The following LRRC74B variants were observed in gnomAD, a reference collection of about 807,000 sequenced individuals.
The protein encoded by LRRC74B is leucine-rich repeat-containing protein 74B.
Under a neutral mutation model 16.6 loss-of-function variants are expected in LRRC74B, and 30 were observed. That is an observed-to-expected ratio of 1.80 (90% confidence interval 1.35 to 2.45). The LOEUF (loss-of-function observed/expected upper bound fraction) is 2.45, where lower values mean the gene tolerates loss of function less well. LRRC74B is among the 30% of genes most tolerant of loss of function. LRRC74B has a pLI of 0.00. For synonymous variants in LRRC74B, 134 were observed against 86.0 expected (o/e 1.56, Z -3.09); for missense variants, 326 against 202.4 (o/e 1.61, Z -3.71).
chr22:21,049,823 C>T (rs1406973556), intron 4 of LRRC74B, among the ~76,000 whole-genome samples: 4 of 152,058 alleles, frequency 2.6e-5, no homozygotes, highest in Non-Finnish European at 5.9e-5. Flanking sequence ...TCCTTGATCT[C>T]ATCACTGTCA....
intron 3 of LRRC74B, chr22:21,048,309 A>G (rs1929664775): frequency 2.5e-6 from 1 of 406,626 alleles, no homozygotes. Flanking sequence ...ACCTGAATGC[A>G]GGATGGGAGA....
intron 7 of LRRC74B, chr22:21,056,738 C>A (rs1278637965): frequency 2.8e-5 from 7 of 250,120 alleles, no homozygotes; most frequent in Non-Finnish European, 7.7e-6. Context: ...GAGCCCTGCC[C>A]AGATACACCT....
downstream of LRRC74B, chr22:21,062,837 G>C (rs56291858): frequency 0.13 from 19,223 of 151,962 alleles, 1,603 homozygotes; most frequent in East Asian, 0.28. Context: ...AGACCAGCCT[G>C]GGCAGCATCG....
At position 21,047,362 on chromosome 22, in the gene LRRC74B, A is replaced by G. The variant is rs543783890; in HGVS notation, c.146A>G (p.Asp49Gly). 1.5e-5 allele frequency: 11 copies of G among 717,254 alleles called. No individual in the cohort carries two copies. In the African/African-American group the frequency reaches 1.9e-4, roughly 13 times the overall value. The allele number at this position is 717,254 out of a possible 1,614,324, so 44.4% of individuals were successfully genotyped here. The change falls in exon 2 of 9, where the codon GAT becomes GGT. Residue 49 changes from aspartate to glycine, a missense_variant. Coordinates refer to ENST00000442047, the Ensembl canonical transcript of LRRC74B. Reference sequence around the variant, plus strand: ...TCCCCCTGTCTCCTGCCAGGCACCGATGGGCTTGGAGAACTGGTCAGGGAC... The same window carrying G: ...TCCCCCTGTCTCCTGCCAGGCACCGGTGGGCTTGGAGAACTGGTCAGGGAC...
exon 2 of LRRC74B, chr22:21,047,391 C>T (rs1569193302): frequency 2.8e-6 from 2 of 717,480 alleles, no homozygotes; most frequent in African/African-American, 1.7e-5. Context: ...CAGGGACACA[C>T]TGTACCTGAG....
chr22:21,056,365 G>A (rs1930516818), intron 7 of LRRC74B, among the ~76,000 whole-genome samples: 3 of 151,988 alleles, frequency 2.0e-5, no homozygotes, highest in South Asian at 4.1e-4. Context: ...AGCCAGATGT[G>A]GTGATGCACA....
At chr22:21,057,607 C>A (rs923236316) in intron 8 of LRRC74B, among the ~76,000 whole-genome samples, 16 of 146,710 alleles carry the variant, frequency 1.1e-4, no homozygotes, top group African/African-American at 3.8e-4. Context: ...ATTAGGATCC[C>A]TTTTCATTCA....
At chr22:21,060,668 C>G (rs1347358135), downstream of LRRC74B, 10 of 595,038 alleles carry the variant, frequency 1.7e-5, no homozygotes, top group Middle Eastern at 4.4e-4. Context: ...ACACGGTGCT[C>G]ACACACCTGT....
intron 8 of LRRC74B, among the ~76,000 whole-genome samples, chr22:21,059,198 G>A (rs1930692639): frequency 6.6e-6 from 1 of 152,340 alleles, no homozygotes; most frequent in African/African-American, 2.4e-5. Flanking sequence ...GATCAGTCTG[G>A]CCAACATGGT....
Position 21,051,778 on chromosome 22 carries a change from T to C in LRRC74B, c.623-471T>C, listed in dbSNP as rs868868587. Among the ~76,000 whole-genome samples, 346 of 152,210 alleles carry C rather than the reference T, an allele frequency of 2.3e-3. 2 individuals are homozygous for C. The highest frequency in any genetic ancestry group is 0.02 in the Middle Eastern group (6 of 294). On this transcript the variant is annotated intron_variant, in intron 4 of 8. Transcript: ENST00000442047. ...CTTCCTCACCTCACTGGCTTCCCCCTCCCCAGGCCCAGCTCCAAGCCTGCG... is the reference window on the plus strand; with the variant it reads ...CTTCCTCACCTCACTGGCTTCCCCCCCCCCAGGCCCAGCTCCAAGCCTGCG...
rs188242850 is a variant in LRRC74B at position 21,050,248 on chromosome 22, G to A, written c.622+1091G>A. On this transcript the variant is annotated intron_variant, in intron 4 of 8. Transcript: ENST00000442047. Reference sequence around the variant, plus strand: ...GATGGGGTTTCACCGTGTTGGTCAGGCTGGTCTCGAACTCCTGACCTTGTG... The same window carrying A: ...GATGGGGTTTCACCGTGTTGGTCAGACTGGTCTCGAACTCCTGACCTTGTG... Among the ~76,000 whole-genome samples, 227 of 152,086 alleles carry A rather than the reference G, an allele frequency of 1.5e-3. 1 individual carries two copies. The highest frequency in any genetic ancestry group is 5.3e-3 in the African/African-American group (222 of 41,510).
chr22:21,056,114 T>C (rs1237814510), intron 7 of LRRC74B, among the ~76,000 whole-genome samples: 1 of 152,206 alleles, frequency 6.6e-6, no homozygotes, highest in Non-Finnish European at 1.5e-5. Flanking sequence ...CTGCGGTTCT[T>C]TCTTCCCAGC....
chr22:21,048,738 C>T (rs376870541), intron 3 of LRRC74B: 1 of 580,908 alleles, frequency 1.7e-6, no homozygotes, highest in Non-Finnish European at 3.1e-6. Flanking sequence ...CGGTTTTAAC[C>T]ACTTGACACA....
chr22:21,057,938 T>A (rs533370325), intron 8 of LRRC74B, among the ~76,000 whole-genome samples: 1 of 150,018 alleles, frequency 6.7e-6, no homozygotes, highest in Non-Finnish European at 1.5e-5. Flanking sequence ...CAGGCTGGAG[T>A]GCAGTGGTGC....
intron 4 of LRRC74B, among the ~76,000 whole-genome samples, chr22:21,051,559 A>G (rs1447218433): frequency 6.6e-6 from 1 of 150,606 alleles, no homozygotes; most frequent in East Asian, 2.0e-4. Context: ...CCAGCCTTCC[A>G]TCTGGTCCCC....
downstream of LRRC74B, chr22:21,062,733 AAAG>A (rs1930868305): frequency 6.6e-6 from 1 of 151,190 alleles, no homozygotes; most frequent in Non-Finnish European, 1.5e-5. Context: ...AAAAAAAAAA[AAAG>A]GAAGAATCAG....
At chr22:21,049,257 T>C (rs1929775541) in intron 4 of LRRC74B, 100 bp downstream of exon 4, 1 of 608,946 alleles carries the variant, frequency 1.6e-6, no homozygotes, top group East Asian at 2.8e-5. Flanking sequence ...CCAGGGAGCA[T>C]GTGCTCTGGT....
At chr22:21,047,706 T>A (rs1465125849) in intron 2 of LRRC74B, among the ~76,000 whole-genome samples, 178 bp from the exon 3 acceptor site, 2 of 150,902 alleles carry the variant, frequency 1.3e-5, no homozygotes, top group African/African-American at 4.9e-5. Context: ...CCTAACCCGC[T>A]GGGGGGTCAG....
At chr22:21,047,390 A>C (rs1486582832) in exon 2 of LRRC74B, 19 of 717,252 alleles carry the variant, frequency 2.6e-5, no homozygotes, top group African/African-American at 1.7e-4. Flanking sequence ...TCAGGGACAC[A>C]CTGTACCTGA....
Sources: gnomAD v4.1 joint callset for allele counts (sites outside exome capture counted in the v4.1 genomes callset) on GRCh38, gnomAD v4.1.1 for gene constraint, MANE v1.5 for transcripts, NCBI Gene and HGNC (gene_info 2026-07-23, HGNC 2026-07-21) for gene names.